ATP6V0A1: variants seen among roughly 807,000 people sequenced by gnomAD.
ATP6V0A1 encodes ATPase H+ transporting V0 subunit a1.
A neutral mutation model predicts 105.4 loss-of-function variants in ATP6V0A1; 43 were observed. That is an observed-to-expected ratio of 0.41 (90% CI 0.32 to 0.53). The LOEUF (loss-of-function observed/expected upper bound fraction) is 0.53. Ranked by LOEUF, ATP6V0A1 falls within the 20% of genes least tolerant of loss-of-function variation. ATP6V0A1 has a pLI of 0.30. For synonymous variants in ATP6V0A1, 362 were observed against 372.8 expected (o/e 0.97, Z 0.33); for missense variants, 676 against 1,051.1 (o/e 0.64, Z 4.93).
In ATP6V0A1 at chr17:42,487,145, C is replaced by G; in HGVS notation, c.811-10C>G. 1 of 1,614,004 alleles carries G rather than the reference C, an allele frequency of 6.2e-7. No individual in the cohort carries two copies. The highest frequency in any genetic ancestry group is 8.5e-7 in the Non-Finnish European group (1 of 1,179,876). On this transcript the variant is annotated splice_polypyrimidine_tract_variant and intron_variant, in intron 9 of 21. Coordinates refer to ENST00000343619, the MANE Select transcript of ATP6V0A1 (RefSeq NM_001130021.3). Reference sequence around the variant, plus strand: ...AAAGGATCCCTCGCTTGTTCCTTTTCTCCCCAAAGGTTCTGAATCAAACGG... The same window carrying G: ...AAAGGATCCCTCGCTTGTTCCTTTTGTCCCCAAAGGTTCTGAATCAAACGG...
intron 5 of ATP6V0A1, among the ~76,000 whole-genome samples, chr17:42,474,169 A>G (rs2088393629): frequency 6.6e-6 from 1 of 151,724 alleles, no homozygotes. Context: ...TGCCCAGCTA[A>G]TTTTTGTAGT....
At chr17:42,493,941 A>G (rs62075826) in intron 11 of ATP6V0A1, among the ~76,000 whole-genome samples, 7,601 of 152,172 alleles carry the variant, frequency 0.05, 286 homozygotes, top group Non-Finnish European at 0.069. Flanking sequence ...GTCACCTTAT[A>G]TTGATCTTAA....
chr17:42,484,159 G>A (rs1016697519), intron 9 of ATP6V0A1, among the ~76,000 whole-genome samples: 6 of 152,088 alleles, frequency 3.9e-5, no homozygotes, highest in East Asian at 1.9e-4. Flanking sequence ...CCGGGTTCAC[G>A]CCATTCTCCT....
intron 16 of ATP6V0A1, 61 bp downstream of exon 16, chr17:42,500,984 T>C (rs1283364205): frequency 2.6e-6 from 4 of 1,531,806 alleles, no homozygotes; most frequent in Non-Finnish European, 3.6e-6. Context: ...AGCCAGATGT[T>C]TCTCTGACCC....
chr17:42,506,728 T>C (rs1555614543), intron 17 of ATP6V0A1, among the ~76,000 whole-genome samples: 1 of 152,238 alleles, frequency 6.6e-6, no homozygotes, highest in Non-Finnish European at 1.5e-5. Flanking sequence ...TTTTTTGCTT[T>C]GGGTTTGGAA....
At chr17:42,476,088 C>A (rs1293571331) in intron 5 of ATP6V0A1, among the ~76,000 whole-genome samples, 1 of 152,106 alleles carries the variant, frequency 6.6e-6, no homozygotes, top group African/African-American at 2.4e-5. Context: ...TCATCGGGAT[C>A]CTGAAAACAA....
chr17:42,472,179 G>A (rs368359846), intron 5 of ATP6V0A1, among the ~76,000 whole-genome samples: 2 of 147,610 alleles, frequency 1.4e-5, no homozygotes, highest in Admixed American at 6.8e-5. Flanking sequence ...TCAGCCTCCC[G>A]AGTAGCTGGG....
At chr17:42,494,596 GTTCATT>G in intron 12 of ATP6V0A1, 123 bp downstream of exon 12, 1 of 1,255,002 alleles carries the variant, frequency 8.0e-7, no homozygotes, top group Non-Finnish European at 1.1e-6. Flanking sequence ...GAGAAGTTAT[GTTCATT>G]TTAACACCAA....
chr17:42,467,524 T>G (rs2087253941), intron 3 of ATP6V0A1, among the ~76,000 whole-genome samples: 1 of 152,250 alleles, frequency 6.6e-6, no homozygotes, highest in Admixed American at 6.5e-5. Flanking sequence ...CTTTTTCATT[T>G]TTGTTTTTTA....
chr17:42,495,039 T>A lies in ATP6V0A1; in HGVS notation c.1320T>A (p.Phe440Leu), dbSNP rs755267539. The A allele has an allele frequency of 4.3e-6, 7 of 1,613,646 alleles. No homozygotes were observed. Among genetic ancestry groups the A allele is most frequent in the South Asian group, 3.3e-5 (3 of 91,064 alleles). ...ILSQKNENEMFSTVFSGRYII... is the reference protein window; with the variant it reads ...ILSQKNENEMLSTVFSGRYII... ...TTCTTTCTTCTGGTTCCCAGATGTT[T>A]AGCACTGTGTTCAGTGGTCGATACA... Residue 440 changes from phenylalanine (F) to leucine (L), a missense_variant, in exon 13 of 22, where the codon TTT becomes TTA. By Grantham distance (22) the Phe-to-Leu change is conservative. Around this residue, in one of 3 missense-constraint regions of ATP6V0A1, gnomAD observed 435 missense variants for 642.2 expected, o/e 0.68. Transcript: ENST00000343619.
chr17:42,480,660 G>A lies in ATP6V0A1; in HGVS notation c.634-7G>A, dbSNP rs1274260258. 1.2e-6 allele frequency: 2 copies of A among 1,604,428 alleles called. No individual in the cohort carries two copies. The highest frequency in any genetic ancestry group is 2.2e-5 in the South Asian group (2 of 89,026). On this transcript the variant is annotated splice_polypyrimidine_tract_variant and splice_region_variant and intron_variant, in intron 7 of 21. Coordinates refer to ENST00000343619, the MANE Select transcript of ATP6V0A1 (RefSeq NM_001130021.3). Reference sequence around the variant, plus strand: ...CTGAACTCTTGTTTTTTTATTCTGGGGCCTAGGGCGACTACGTGCACAAGT... The same window carrying A: ...CTGAACTCTTGTTTTTTTATTCTGGAGCCTAGGGCGACTACGTGCACAAGT...
chr17:42,490,778 T>C, intron 11 of ATP6V0A1, 141 bp downstream of exon 11: 1 of 889,818 alleles, frequency 1.1e-6, no homozygotes, highest in Non-Finnish European at 1.7e-6. Context: ...AGCCTCAAAC[T>C]CCTGGCCTCA....
chr17:42,461,392 A>G (rs2086381180), intron 2 of ATP6V0A1, among the ~76,000 whole-genome samples: 1 of 152,238 alleles, frequency 6.6e-6, no homozygotes, highest in Non-Finnish European at 1.5e-5. Context: ...GTATCCAGCT[A>G]CAGATATATA....
Position 42,494,330 on chromosome 17 carries a change from A to G in ATP6V0A1, c.1175-4A>G, listed in dbSNP as rs1567844732. ...GTATTTTTCTTTTTTTGGTTTCTTC[A>G]TAGCTCCGTATACTATTATCACGTT... On this transcript the variant is annotated splice_polypyrimidine_tract_variant and splice_region_variant and intron_variant, in intron 11 of 21. Transcript: ENST00000343619. 6.2e-7 allele frequency: 1 copy of G among 1,608,170 alleles called. No homozygotes were observed. Among genetic ancestry groups the G allele is most frequent in the Non-Finnish European group, 8.5e-7 (1 of 1,177,316 alleles).
chr17:42,496,902 T>C (rs1275857720), intron 14 of ATP6V0A1, among the ~76,000 whole-genome samples: 1 of 152,102 alleles, frequency 6.6e-6, no homozygotes, highest in Non-Finnish European at 1.5e-5. Flanking sequence ...TGGGAAAATA[T>C]ATAAGATAAA....
Position 42,495,728 on chromosome 17 carries a change from T to C in ATP6V0A1, c.1560+12T>C. 3 of 1,599,424 alleles carry C rather than the reference T, an allele frequency of 1.9e-6. No homozygotes were observed. Among genetic ancestry groups the C allele is most frequent in the Non-Finnish European group, 2.6e-6 (3 of 1,166,832 alleles). On this transcript the variant is annotated intron_variant, in intron 14 of 21. Transcript: ENST00000343619. ...TTGGCATTGATCCAGTAAGAGGACT[T>C]CCTTCCTATATGCTAACCTCAAATT...
intron 17 of ATP6V0A1, among the ~76,000 whole-genome samples, chr17:42,503,841 CAG>C (rs2091855465): frequency 1.3e-5 from 2 of 152,152 alleles, no homozygotes; most frequent in Admixed American, 1.3e-4. Context: ...CATTTTGAGT[CAG>C]AAAAAATTTT....
chr17:42,474,195 C>T lies in ATP6V0A1; in HGVS notation c.424-3465C>T, dbSNP rs12938036. Among the ~76,000 whole-genome samples, 716 of 151,854 alleles carry T rather than the reference C, an allele frequency of 4.7e-3. 4 individuals are homozygous for T. Among genetic ancestry groups the T allele is most frequent in the South Asian group, 0.011 (52 of 4,806 alleles). Reference sequence around the variant, plus strand: ...TTTTTGTAGTTTTAGTAGAGACGGGCGTTTCACCATATTGGCCAGGCTGGT... The same window carrying T: ...TTTTTGTAGTTTTAGTAGAGACGGGTGTTTCACCATATTGGCCAGGCTGGT... On this transcript the variant is annotated intron_variant, in intron 5 of 21. Transcript: ENST00000343619.
chr17:42,521,233 A>G lies in ATP6V0A1; in HGVS notation c.*113A>G. 1 of 931,610 alleles carries G rather than the reference A, an allele frequency of 1.1e-6. No individual in the cohort carries two copies. The highest frequency in any genetic ancestry group is 2.8e-5 in the East Asian group (1 of 36,286). The allele number at this position is 931,610 out of a possible 1,614,324, so 57.7% of individuals were successfully genotyped here. On this transcript the variant is annotated 3_prime_UTR_variant, in exon 22 of 22. Transcript: ENST00000343619. This position sits in a 1 kb window ranked among gnomAD's most constrained non-coding sequence, Gnocchi z 4.8. ...CTGTGGGCACCAGCTCATTCGTGTC[A>G]CCCTGTCTGTGAGTCATTTAGATAG...
Sources: gnomAD v4.1 joint callset for allele counts (sites outside exome capture counted in the v4.1 genomes callset) on GRCh38, gnomAD v4.1.1 for gene constraint, gnomAD v4.1.1 regional missense constraint, Gnocchi (gnomAD v3.1) non-coding constraint, MANE v1.5 for transcripts, NCBI Gene and HGNC (gene_info 2026-07-23, HGNC 2026-07-21) for gene names.